The following MGST1 variants were observed in gnomAD, a reference collection of about 807,000 sequenced individuals.
MGST1 encodes glutathione S-transferase 12.
A neutral mutation model predicts 8.9 loss-of-function variants in MGST1; 5 were observed. That is an observed-to-expected ratio of 0.56 (90% CI 0.29 to 1.19). The LOEUF is 1.19. Among genes scored for constraint, MGST1 ranks in the 50% most tolerant of loss-of-function variants. The probability of loss-of-function intolerance (pLI) is 0.08; values close to 1 mark genes in which losing one functional copy is unlikely to be tolerated. For missense variants in MGST1, 182 were observed against 187.4 expected (o/e 0.97, Z 0.17); for synonymous variants, 54 against 67.8 (o/e 0.80, Z 1.00).
At position 16,376,257 on chromosome 12, in the gene MGST1, CA is replaced by C. The variant is rs1273741463; in HGVS notation, c.*95del. 5.0e-6 allele frequency: 3 copies of C among 600,388 alleles called. No individual in the cohort carries two copies. In the Admixed American group the frequency reaches 9.3e-5, roughly 19 times the overall value. 37.2% of individuals were successfully genotyped at this position (600,388 alleles called of 1,614,324 possible). A position where few individuals can be genotyped will look rare whatever the true frequency, so the allele number is the denominator to read the frequency against. ...TAATTGAAGAAAAAATTTATCTTTT[CA>C]ACATCTAATGAGTTAATGGATTCAA... On this transcript the variant is annotated 3_prime_UTR_variant, in exon 4 of 4. Coordinates refer to the MGST1 transcript ENST00000535309.
chr12:16,355,272 G>A (rs911757167), intron 2 of MGST1, among the ~76,000 whole-genome samples: 2 of 150,592 alleles, frequency 1.3e-5, no homozygotes, highest in African/African-American at 2.4e-5. Context: ...GCAGTGGCAG[G>A]ATCTCGGCTC....
At chr12:16,387,583 G>T (rs1269096613) in intron 1 of MGST1, among the ~76,000 whole-genome samples, 1 of 150,866 alleles carries the variant, frequency 6.6e-6, no homozygotes, top group Non-Finnish European at 1.5e-5. Flanking sequence ...CTGGAGTGCA[G>T]TGGGGCTATC....
chr12:16,512,522 C>T (rs1941583434), intron 4 of MGST1, among the ~76,000 whole-genome samples: 1 of 152,142 alleles, frequency 6.6e-6, no homozygotes, highest in African/African-American at 2.4e-5. Flanking sequence ...AAAACAACTT[C>T]AAATATAATT....
At position 16,537,797 on chromosome 12, in the gene MGST1, A is replaced by G. The variant is rs1231114911; in HGVS notation, n.483-51731A>G. ...ACCAAGTCCCTAGGCTGCACACAGC[A>G]TGGGGATCCTGGGCCCAGCCCAGGA... On this transcript the variant is annotated intron_variant and non_coding_transcript_variant, in intron 4 of 4. Coordinates refer to the MGST1 transcript ENST00000538857. This position sits in a 1 kb window ranked among gnomAD's most constrained non-coding sequence, Gnocchi z 4.6. 6.6e-6 allele frequency among the ~76,000 whole-genome samples: 1 copy of G among 152,184 alleles called. No homozygotes were observed. Among genetic ancestry groups the G allele is most frequent in the Non-Finnish European group, 1.5e-5 (1 of 68,024 alleles).
At chr12:16,480,374 C>T (rs1376246348) in intron 4 of MGST1, among the ~76,000 whole-genome samples, 3 of 152,050 alleles carry the variant, frequency 2.0e-5, no homozygotes, top group Non-Finnish European at 4.4e-5. Context: ...ATCTCTTGAC[C>T]TTGTGATCTG....
At chr12:16,426,819 A>C (rs1009279870) in intron 1 of MGST1, among the ~76,000 whole-genome samples, 62 of 151,932 alleles carry the variant, frequency 4.1e-4, no homozygotes, top group Admixed American at 3.9e-3. Flanking sequence ...ACAACAAAAA[A>C]AAATTAGCCG....
downstream of MGST1, among the ~76,000 whole-genome samples, chr12:16,591,249 C>T (rs1418224107): frequency 6.6e-6 from 1 of 151,898 alleles, no homozygotes; most frequent in Non-Finnish European, 1.5e-5. The surrounding 1 kb of genome is among the most constrained non-coding windows in gnomAD (Gnocchi z 4.1). Context: ...GAGAAAAACT[C>T]CCACCTCAGG....
chr12:16,529,904 C>A (rs1941711667), intron 4 of MGST1, among the ~76,000 whole-genome samples: 1 of 152,064 alleles, frequency 6.6e-6, no homozygotes, highest in African/African-American at 2.4e-5. Context: ...GACTCTTTGG[C>A]ATAGCTCCAA....
At chr12:16,454,721 C>A (rs1341699033) in intron 4 of MGST1, among the ~76,000 whole-genome samples, 1 of 151,604 alleles carries the variant, frequency 6.6e-6, no homozygotes, top group Non-Finnish European at 1.5e-5. Flanking sequence ...TCATTTTAGG[C>A]ATAATATTTC....
chr12:16,592,781 T>A (rs1943533804), downstream of MGST1, among the ~76,000 whole-genome samples: 1 of 152,054 alleles, frequency 6.6e-6, no homozygotes. Flanking sequence ...CAAAAAACAC[T>A]ATCCTAGAGA....
chr12:16,482,049 G>A lies in MGST1; in HGVS notation n.482+98445G>A, dbSNP rs557802705. On this transcript the variant is annotated intron_variant and non_coding_transcript_variant, in intron 4 of 4. Transcript: ENST00000538857. This position sits in a 1 kb window ranked among gnomAD's most constrained non-coding sequence, Gnocchi z 4.2. ...AAGCAGATTGACAATGTAAGCTAAG[G>A]CATATAAAATAATAACATTGAGGTG... Among the ~76,000 whole-genome samples the A allele has an allele frequency of 6.6e-6, 1 of 152,098 alleles. No homozygotes were observed. The highest frequency in any genetic ancestry group is 2.4e-5 in the African/African-American group (1 of 41,424).
At position 16,517,338 on chromosome 12, in the gene MGST1, T is replaced by C. The variant is rs1009264349; in HGVS notation, n.483-72190T>C. On this transcript the variant is annotated intron_variant and non_coding_transcript_variant, in intron 4 of 4. Coordinates refer to the MGST1 transcript ENST00000538857. This position sits in a 1 kb window ranked among gnomAD's most constrained non-coding sequence, Gnocchi z 4.2. ...TTAAGTCATAAGTTCTCTCCCCTTA[T>C]GAATAGAATAATGTTGTTATCACAG... is the stretch of plus-strand genomic sequence containing the variant. Among the ~76,000 whole-genome samples, 1 of 152,200 alleles carries C rather than the reference T, an allele frequency of 6.6e-6. No individual in the cohort carries two copies. Among genetic ancestry groups the C allele is most frequent in the African/African-American group, 2.4e-5 (1 of 41,440 alleles).
chr12:16,489,409 C>T (rs1941422639), intron 4 of MGST1, among the ~76,000 whole-genome samples: 1 of 152,078 alleles, frequency 6.6e-6, no homozygotes, highest in Non-Finnish European at 1.5e-5. Context: ...AGGGAGCCCT[C>T]ATGATTGATA....
At chr12:16,387,042 T>C (rs1166243909) in intron 1 of MGST1, among the ~76,000 whole-genome samples, 2 of 152,246 alleles carry the variant, frequency 1.3e-5, no homozygotes, top group East Asian at 1.9e-4. Context: ...ATATTATAAT[T>C]GTTCTATTTT....
chr12:16,356,340 C>T (rs989850671), intron 2 of MGST1, among the ~76,000 whole-genome samples: 1 of 152,014 alleles, frequency 6.6e-6, no homozygotes, highest in Admixed American at 6.6e-5. Context: ...ATTTATTGTA[C>T]ATCTAGTGTG....
chr12:16,416,628 T>C (rs1940790064), intron 1 of MGST1, among the ~76,000 whole-genome samples: 1 of 152,066 alleles, frequency 6.6e-6, no homozygotes, highest in Non-Finnish European at 1.5e-5. Context: ...CTTTATCTAA[T>C]TACCTCCCAA....
intron 4 of MGST1, chr12:16,567,356 A>G (rs1468843838): frequency 1.3e-5 from 2 of 153,686 alleles, no homozygotes; most frequent in African/African-American, 4.8e-5. Context: ...GGAAATGTTC[A>G]GTGGACTATG....
At chr12:16,520,883 A>G (rs934415679) in intron 4 of MGST1, among the ~76,000 whole-genome samples, 1 of 152,140 alleles carries the variant, frequency 6.6e-6, no homozygotes, top group Middle Eastern at 3.4e-3. Context: ...CTTCTTCCTT[A>G]CCCCGTCTTC....
rs973379067 is a variant in MGST1, at chr12:16,559,962, AAAAAGC to A, written n.483-29561_483-29556del. On this transcript the variant is annotated intron_variant and non_coding_transcript_variant, in intron 4 of 4. Coordinates refer to the MGST1 transcript ENST00000538857. This position sits in a 1 kb window ranked among gnomAD's most constrained non-coding sequence, Gnocchi z 4.1. ...GTGACAGAACCAGACCTTGTATTTA[AAAAAGC>A]AAAAACAAAAACATGAGGGATAAGG... 6.6e-6 allele frequency among the ~76,000 whole-genome samples: 1 copy of A among 152,122 alleles called. No individual in the cohort carries two copies. The highest frequency in any genetic ancestry group is 2.4e-5 in the African/African-American group (1 of 41,438).
Sources: gnomAD v4.1 joint callset for allele counts (sites outside exome capture counted in the v4.1 genomes callset) on GRCh38, gnomAD v4.1.1 for gene constraint, Gnocchi (gnomAD v3.1) non-coding constraint, MANE v1.5 for transcripts, NCBI Gene and HGNC (gene_info 2026-07-23, HGNC 2026-07-21) for gene names.